Variants in TUBB6 observed in about 807,000 individuals in gnomAD.
TUBB6 encodes tubulin beta-6 chain.
In TUBB6, 18 loss-of-function variants were observed where a neutral mutation model predicts 32.3. That is an observed-to-expected ratio of 0.56 (90% CI 0.39 to 0.83). The LOEUF (loss-of-function observed/expected upper bound fraction) is 0.83, where lower values mean the gene tolerates loss of function less well. Among genes scored for constraint, TUBB6 ranks in the 40% least tolerant of loss-of-function variants. The probability of loss-of-function intolerance (pLI) is 0.00; values close to 1 mark genes in which losing one functional copy is unlikely to be tolerated. For synonymous variants in TUBB6, 280 were observed against 265.8 expected (o/e 1.05, Z -0.52); for missense variants, 480 against 632.0 (o/e 0.76, Z 2.58).
At position 12,317,701 on chromosome 18, in the gene TUBB6, G is replaced by C. The variant is rs145873035; in HGVS notation, c.277+6648G>C. On this transcript the variant is annotated intron_variant, in intron 3 of 3. Coordinates refer to ENST00000317702, the MANE Select transcript of TUBB6 (RefSeq NM_032525.3). ...CACCCATTGTGAGCTTGAAACCAGA[G>C]GGGGGACTCAGAGAAAACCCTGGGG... is the stretch of plus-strand genomic sequence containing the variant. Among the ~76,000 whole-genome samples, 69 of 152,268 alleles carry C rather than the reference G, an allele frequency of 4.5e-4. 2 individuals carry two copies. In the East Asian group the frequency reaches 0.013, roughly 29 times the overall value.
chr18:12,318,237 G>A (rs1906776396), intron 3 of TUBB6, among the ~76,000 whole-genome samples: 1 of 151,562 alleles, frequency 6.6e-6, no homozygotes. Flanking sequence ...TTGTAGTTTT[G>A]CCAGGTGCTG....
chr18:12,308,589 C>A, intron 1 of TUBB6, 98 bp from the exon 2 acceptor site: 1 of 970,624 alleles, frequency 1.0e-6, no homozygotes, highest in Non-Finnish European at 1.6e-6. Context: ...TCAGGCGCGC[C>A]TGGAATTCGG....
intron 3 of TUBB6, among the ~76,000 whole-genome samples, chr18:12,314,886 A>G: frequency 6.6e-6 from 1 of 152,190 alleles, no homozygotes; most frequent in East Asian, 1.9e-4. Context: ...AATATATTTA[A>G]AAGGGAGCTC....
At chr18:12,316,592 G>T (rs964761101) in intron 3 of TUBB6, among the ~76,000 whole-genome samples, 1 of 152,202 alleles carries the variant, frequency 6.6e-6, no homozygotes, top group Non-Finnish European at 1.5e-5. Flanking sequence ...GTTAAGAATT[G>T]TGACTTGTTT....
chr18:12,308,851 C>T (rs1906179518), intron 2 of TUBB6, 56 bp downstream of exon 2: 8 of 1,198,372 alleles, frequency 6.7e-6, no homozygotes, highest in Non-Finnish European at 9.9e-6. Flanking sequence ...GACGCTCCGG[C>T]GCCGCCTCTT....
At chr18:12,308,942 G>A in intron 2 of TUBB6, 147 bp downstream of exon 2, 1 of 632,388 alleles carries the variant, frequency 1.6e-6, no homozygotes, top group South Asian at 1.8e-5. Flanking sequence ...CTCCGGGGCG[G>A]GAAATCCGCC....
At chr18:12,310,806 A>G (rs1026112636) in intron 2 of TUBB6, 137 bp from the exon 3 acceptor site, 1 of 549,948 alleles carries the variant, frequency 1.8e-6, no homozygotes, top group Non-Finnish European at 3.2e-6. Context: ...TGATTCTAAG[A>G]AAGTTCCTGT....
Position 12,325,056 on chromosome 18 carries a change from CTT to C in TUBB6, c.278-9_278-8del, listed in dbSNP as rs1568126911. ...TCCTGTTTAAACGGCACGGGACTCT[CTT>C]TGTTGCAGGCCAGACGGGTGCAGGG... On this transcript the variant is annotated splice_polypyrimidine_tract_variant and intron_variant, in intron 3 of 3. Transcript: ENST00000317702. 1 of 1,557,816 alleles carries C rather than the reference CTT, an allele frequency of 6.4e-7. No homozygotes were observed. Among genetic ancestry groups the C allele is most frequent in the South Asian group, 1.2e-5 (1 of 81,338 alleles).
At chr18:12,320,717 G>A (rs1215949672) in intron 3 of TUBB6, 1 of 152,206 alleles carries the variant, frequency 6.6e-6, no homozygotes, top group Admixed American at 6.5e-5. Flanking sequence ...AGATACCGCC[G>A]TGGATTTAAC....
chr18:12,325,393 A>G lies in TUBB6; in HGVS notation c.604A>G (p.Ile202Val). The change falls in exon 4 of 4, where the codon ATC becomes GTC. Residue 202 changes from isoleucine (I) to valine (V), a missense_variant. Coordinates refer to ENST00000317702, the MANE Select transcript of TUBB6 (RefSeq NM_032525.3). ...GGAGAATACAGACGAGACCTACTGC[A>G]TCGACAACGAGGCGCTCTATGACAT... ...LVENTDETYCIDNEALYDICF... is the reference protein window; with the variant it reads ...LVENTDETYCVDNEALYDICF... The G allele has an allele frequency of 1.2e-6, 2 of 1,614,216 alleles. No homozygotes were observed. The highest frequency in any genetic ancestry group is 1.3e-5 in the African/African-American group (1 of 75,054).
intron 3 of TUBB6, among the ~76,000 whole-genome samples, chr18:12,319,285 A>G (rs1273501229): frequency 6.6e-6 from 1 of 151,900 alleles, no homozygotes; most frequent in Non-Finnish European, 1.5e-5. Flanking sequence ...CTGGGATTAC[A>G]GGCACCTGCC....
chr18:12,322,193 C>T (rs769196647), intron 3 of TUBB6, among the ~76,000 whole-genome samples: 7 of 151,712 alleles, frequency 4.6e-5, no homozygotes, highest in Non-Finnish European at 8.8e-5. Flanking sequence ...CCCAGCTTCT[C>T]GGGGGGCTGA....
chr18:12,325,371 G>A lies in TUBB6; in HGVS notation c.582G>A (p.Glu194=), dbSNP rs113607226. ...NATLSVHQLV[E]NTDETYCIDN... is the part of the protein sequence containing the mutation. ...CACTGTCGGTGCACCAGCTGGTGGAGAATACAGACGAGACCTACTGCATCG... is the reference window on the plus strand; with the variant it reads ...CACTGTCGGTGCACCAGCTGGTGGAAAATACAGACGAGACCTACTGCATCG... Residue 194 remains glutamate (E), a synonymous_variant, in exon 4 of 4, where the codon GAG becomes GAA. Coordinates refer to ENST00000317702, the MANE Select transcript of TUBB6 (RefSeq NM_032525.3). 8.8e-3 allele frequency: 14,220 copies of A among 1,614,220 alleles called. 85 individuals carry two copies. The highest frequency in any genetic ancestry group is 0.011 in the Non-Finnish European group (12,890 of 1,180,042).
chr18:12,316,301 T>C (rs1906671431), intron 3 of TUBB6, among the ~76,000 whole-genome samples: 1 of 152,202 alleles, frequency 6.6e-6, no homozygotes, highest in Non-Finnish European at 1.5e-5. Context: ...ATTGGGAGAG[T>C]GTAAGGTCTT....
chr18:12,327,636 G>C (rs1017216522), downstream of TUBB6, among the ~76,000 whole-genome samples: 1 of 152,204 alleles, frequency 6.6e-6, no homozygotes, highest in African/African-American at 2.4e-5. Context: ...ATCTATGCAT[G>C]AGCAGGCCCC....
chr18:12,320,111 C>T (rs1348726160), intron 3 of TUBB6, among the ~76,000 whole-genome samples: 4 of 151,870 alleles, frequency 2.6e-5, no homozygotes, highest in Non-Finnish European at 5.9e-5. Flanking sequence ...TTTAATTGTC[C>T]CAGCTACTCA....
At position 12,325,649 on chromosome 18, in the gene TUBB6, C is replaced by G; in HGVS notation, c.860C>G (p.Pro287Arg). The change falls in exon 4 of 4, where the codon CCC (proline) becomes CGC (arginine). Residue 287 changes from proline (P) to arginine (R), a missense_variant. Coordinates refer to ENST00000317702, the MANE Select transcript of TUBB6 (RefSeq NM_032525.3). ...CAGCAGTACCGGGCCCTGACCGTGCCCGAGCTCACCCAGCAGATGTTCGAC... is the reference window on the plus strand; with the variant it reads ...CAGCAGTACCGGGCCCTGACCGTGCGCGAGCTCACCCAGCAGATGTTCGAC... ...GSQQYRALTVPELTQQMFDAR... is the reference protein window; with the variant it reads ...GSQQYRALTVRELTQQMFDAR... 6.2e-7 allele frequency: 1 copy of G among 1,614,002 alleles called. No homozygotes were observed. Among genetic ancestry groups the G allele is most frequent in the East Asian group, 2.2e-5 (1 of 44,880 alleles).
downstream of TUBB6, chr18:12,329,049 C>T: frequency 2.9e-6 from 2 of 678,156 alleles, no homozygotes; most frequent in Non-Finnish European, 5.4e-6. Flanking sequence ...TGTAGAAAAC[C>T]ATTCCATTAA....
Position 12,308,768 on chromosome 18 carries a change from A to G in TUBB6, c.139A>G (p.Ile47Val), listed in dbSNP as rs749966507. 2.5e-6 allele frequency: 4 copies of G among 1,611,550 alleles called. No individual in the cohort carries two copies. Among genetic ancestry groups the G allele is most frequent in the Admixed American group, 1.7e-5 (1 of 60,014 alleles). The change falls in exon 2 of 4, where the codon ATC becomes GTC. Residue 47 changes from isoleucine (I) to valine (V), a missense_variant. Ile to Val is a conservative substitution (Grantham distance 29). Transcript: ENST00000317702. ...VGDSALQLERINVYYNESSSQ... is the reference protein window; with the variant it reads ...VGDSALQLERVNVYYNESSSQ... ...AGACTCGGCGCTGCAGCTGGAGAGAATCAACGTCTACTACAATGAGTCATC... is the reference window on the plus strand; with the variant it reads ...AGACTCGGCGCTGCAGCTGGAGAGAGTCAACGTCTACTACAATGAGTCATC...
Sources: allele counts gnomAD v4.1 joint callset (sites outside exome capture counted in the v4.1 genomes callset), GRCh38; gene constraint gnomAD v4.1.1; transcripts MANE v1.5; gene names NCBI Gene and HGNC (gene_info 2026-07-23, HGNC 2026-07-21).